The following BACE2 variants were observed in gnomAD, a reference collection of about 807,000 sequenced individuals.
The protein encoded by BACE2 is beta-secretase 2.
In BACE2, 17 loss-of-function variants were observed where a neutral mutation model predicts 46.2. The ratio of observed to expected loss-of-function variants is 0.37; its 90% confidence interval spans 0.25 to 0.55. The LOEUF is 0.55. BACE2 is among the 20% of genes least tolerant of loss of function. BACE2 has a pLI of 0.82. For synonymous variants in BACE2, 277 were observed against 295.9 expected, an observed-to-expected ratio of 0.94 and a Z score of 0.66; for missense variants, 595 against 698.1, an observed-to-expected ratio of 0.85 and a Z score of 1.66.
chr21:41,198,521 C>T (rs561199575), intron 1 of BACE2, among the ~76,000 whole-genome samples: 10 of 152,302 alleles, frequency 6.6e-5, no homozygotes, highest in African/African-American at 2.2e-4. Flanking sequence ...GGCTTTCCAG[C>T]TGCCTTCTTT....
At chr21:41,224,131 C>T (rs572994872) in intron 1 of BACE2, among the ~76,000 whole-genome samples, 1 of 151,822 alleles carries the variant, frequency 6.6e-6, no homozygotes, top group African/African-American at 2.4e-5. Context: ...ACACTGGTCC[C>T]AGCTAAACTG....
At chr21:41,263,950 C>G (rs1988003055) in intron 8 of BACE2, among the ~76,000 whole-genome samples, 1 of 152,172 alleles carries the variant, frequency 6.6e-6, no homozygotes, top group African/African-American at 2.4e-5. Context: ...CACATTCTTT[C>G]TAGTCTCTTC....
chr21:41,218,308 CAT>C (rs1224682928), intron 1 of BACE2, among the ~76,000 whole-genome samples: 2 of 152,082 alleles, frequency 1.3e-5, no homozygotes, highest in African/African-American at 2.4e-5. Context: ...ACTGGAGAAA[CAT>C]ATATATAAAG....
chr21:41,264,791 A>G (rs867773682), intron 8 of BACE2, among the ~76,000 whole-genome samples: 1 of 152,118 alleles, frequency 6.6e-6, no homozygotes, highest in Non-Finnish European at 1.5e-5. Context: ...GTGCCAAACC[A>G]TATCAACAAC....
chr21:41,236,066 T>C (rs749302185), intron 2 of BACE2, among the ~76,000 whole-genome samples: 2 of 152,222 alleles, frequency 1.3e-5, no homozygotes, highest in Non-Finnish European at 2.9e-5. Context: ...TGATTTGATA[T>C]TTAGCTTAGA....
At chr21:41,237,131 G>A (rs142816912) in intron 2 of BACE2, among the ~76,000 whole-genome samples, 56 of 152,258 alleles carry the variant, frequency 3.7e-4, no homozygotes, top group African/African-American at 1.3e-3. Context: ...TTCATGGTTC[G>A]GGAACATGGA....
At position 41,221,061 on chromosome 21, in the gene BACE2, AAC is replaced by A. The variant is rs1986628917; in HGVS notation, c.313-5203_313-5202del. Among the ~76,000 whole-genome samples, 4 of 151,388 alleles carry A rather than the reference AAC, an allele frequency of 2.6e-5. No individual in the cohort carries two copies. The South Asian group carries it at 6.3e-4, about 24-fold the overall frequency. On this transcript the variant is annotated intron_variant, in intron 1 of 8. Transcript: ENST00000330333. Reference sequence around the variant, plus strand: ...AAGTATATTAAAAAAAAAAAAAAAAAACAGTAGAGTGCCTTTGCCATTGTTTT... The same window carrying A: ...AAGTATATTAAAAAAAAAAAAAAAAAAGTAGAGTGCCTTTGCCATTGTTTT...
chr21:41,237,098 G>T (rs1479189942), intron 2 of BACE2, among the ~76,000 whole-genome samples: 1 of 152,196 alleles, frequency 6.6e-6, no homozygotes, highest in Non-Finnish European at 1.5e-5. Context: ...TAGGATAGCT[G>T]CCTTGGACAC....
chr21:41,192,027 A>G (rs1483170594), intron 1 of BACE2, among the ~76,000 whole-genome samples: 1 of 152,172 alleles, frequency 6.6e-6, no homozygotes, highest in Non-Finnish European at 1.5e-5. Flanking sequence ...GTATAATCAC[A>G]CAGCTGGCCA....
chr21:41,270,789 T>C (rs1431858271), intron 8 of BACE2, among the ~76,000 whole-genome samples: 8 of 152,230 alleles, frequency 5.3e-5, no homozygotes, highest in Admixed American at 5.2e-4. Context: ...ATTCTGCTAT[T>C]ATGGGTGGAT....
intron 1 of BACE2, among the ~76,000 whole-genome samples, chr21:41,185,647 G>A (rs1985342935): frequency 6.6e-6 from 1 of 152,254 alleles, no homozygotes; most frequent in South Asian, 2.1e-4. Context: ...GGAAATGTCA[G>A]TGCTAAAAAC....
Position 41,227,850 on chromosome 21 carries a change from G to A in BACE2, c.401+1496G>A, listed in dbSNP as rs556865400. On this transcript the variant is annotated intron_variant, in intron 2 of 8. Coordinates refer to ENST00000330333, the MANE Select transcript of BACE2 (RefSeq NM_012105.5). ...TGTGTGCAGCAGAGGTTTGGTTTAC[G>A]ATGGCTTATGCTGCCCCGTCCCACT... is the stretch of plus-strand genomic sequence containing the variant. 2.6e-5 allele frequency among the ~76,000 whole-genome samples: 4 copies of A among 152,234 alleles called. No individual in the cohort carries two copies. In the East Asian group the frequency reaches 5.8e-4, roughly 22 times the overall value.
chr21:41,256,871 C>G (rs575611532), intron 7 of BACE2, among the ~76,000 whole-genome samples: 2 of 152,276 alleles, frequency 1.3e-5, no homozygotes, highest in South Asian at 4.1e-4. Flanking sequence ...GAGTTTGACT[C>G]TTTTCATCAG....
At position 41,275,648 on chromosome 21, in the gene BACE2, A is replaced by G. The variant is rs1396256254; in HGVS notation, c.*24A>G. 2 of 1,608,904 alleles carry G rather than the reference A, an allele frequency of 1.2e-6. No individual in the cohort carries two copies. The highest frequency in any genetic ancestry group is 2.7e-5 in the African/African-American group (2 of 74,752). On this transcript the variant is annotated 3_prime_UTR_variant, in exon 9 of 9. Transcript: ENST00000330333. ...GAATAGCCAGGCCTGACCTCAAGCA[A>G]CCATGAACTCAGCTATTAAGAAAAT...
At chr21:41,240,265 G>A (rs1464322228) in intron 3 of BACE2, among the ~76,000 whole-genome samples, 1 of 152,208 alleles carries the variant, frequency 6.6e-6, no homozygotes, top group Non-Finnish European at 1.5e-5. Flanking sequence ...TCAAGGCTGT[G>A]TCAGGAACAC....
chr21:41,222,328 A>G (rs1343993681), intron 1 of BACE2, among the ~76,000 whole-genome samples: 1 of 152,194 alleles, frequency 6.6e-6, no homozygotes, highest in Non-Finnish European at 1.5e-5. Context: ...GAGACTGGGA[A>G]CAGCAGTTCT....
chr21:41,250,851 C>A lies in BACE2; in HGVS notation c.1084C>A (p.Leu362Met). 6.2e-7 allele frequency: 1 copy of A among 1,614,158 alleles called. No individual in the cohort carries two copies. Among genetic ancestry groups the A allele is most frequent in the Non-Finnish European group, 8.5e-7 (1 of 1,179,972 alleles). Residue 362 changes from leucine to methionine, a missense_variant, in exon 7 of 9, where the codon CTG becomes ATG. Leu to Met is a conservative substitution (Grantham distance 15). Transcript: ENST00000330333. ...WSYFPKISIY[L>M]RDENSSRSFR... The stretch of plus-strand genomic sequence containing the variant: ...TTACTTCCCTAAAATCTCCATCTAC[C>A]TGAGAGACGAGAACTCCAGCAGGTC...
chr21:41,241,001 A>G (rs1393982820), intron 3 of BACE2, among the ~76,000 whole-genome samples: 1 of 152,202 alleles, frequency 6.6e-6, no homozygotes, highest in Non-Finnish European at 1.5e-5. Flanking sequence ...CTAACAACTC[A>G]TGGTCACCAA....
chr21:41,216,945 T>C (rs1049801770), intron 1 of BACE2, among the ~76,000 whole-genome samples: 31 of 152,130 alleles, frequency 2.0e-4, no homozygotes, highest in Non-Finnish European at 2.8e-4. Context: ...TGTTTTTTTT[T>C]CTCTGAGATG....
Sources: gnomAD v4.1 joint callset for allele counts (sites outside exome capture counted in the v4.1 genomes callset) on GRCh38, gnomAD v4.1.1 for gene constraint, MANE v1.5 for transcripts, NCBI Gene and HGNC (gene_info 2026-07-23, HGNC 2026-07-21) for gene names.